Variants in DCC observed in about 807,000 individuals in gnomAD.
The protein encoded by DCC is DCC netrin 1 receptor.
Under a neutral mutation model 172.5 loss-of-function variants are expected in DCC, and 58 were observed. The observed-to-expected ratio is 0.34, with a 90% CI of 0.27 to 0.42. DCC has a LOEUF of 0.42. DCC is among the 10% of genes least tolerant of loss of function. DCC has a pLI of 1.00. For missense variants in DCC, 1,740 were observed against 1,791.0 expected (o/e 0.97, Z 0.51); for synonymous variants, 709 against 644.5 (o/e 1.10, Z -1.52).
intron 21 of DCC, among the ~76,000 whole-genome samples, chr18:53,430,325 C>T (rs185734950): frequency 3.3e-5 from 5 of 152,232 alleles, no homozygotes; most frequent in African/African-American, 9.6e-5. Context: ...GTATGAACGT[C>T]GTCCTGGATG....
chr18:52,989,381 G>A (rs906400741), intron 5 of DCC, among the ~76,000 whole-genome samples: 8 of 151,902 alleles, frequency 5.3e-5, no homozygotes, highest in African/African-American at 1.9e-4. Flanking sequence ...AAATTAGCCG[G>A]GCATGGTAGC....
intron 5 of DCC, among the ~76,000 whole-genome samples, chr18:52,964,447 G>A (rs2145574672): frequency 6.6e-6 from 1 of 152,248 alleles, no homozygotes; most frequent in East Asian, 1.9e-4. Context: ...GAGAAACTTT[G>A]TGATTGTGGC....
At chr18:53,386,744 G>C (rs1908196513) in intron 16 of DCC, among the ~76,000 whole-genome samples, 1 of 152,082 alleles carries the variant, frequency 6.6e-6, no homozygotes, top group African/African-American at 2.4e-5. Context: ...TCTGTTAGTT[G>C]GACTGTAAAG....
chr18:53,188,194 A>G (rs2055313510), intron 9 of DCC, among the ~76,000 whole-genome samples: 1 of 152,176 alleles, frequency 6.6e-6, no homozygotes, highest in African/African-American at 2.4e-5. Context: ...CAACCAATAA[A>G]CCTGGGGACC....
chr18:52,585,434 T>C (rs1442988866), intron 1 of DCC, among the ~76,000 whole-genome samples: 4 of 152,208 alleles, frequency 2.6e-5, no homozygotes, highest in Non-Finnish European at 5.9e-5. Flanking sequence ...CAAAGGAAGC[T>C]TCTGTTCATA....
At chr18:53,054,174 G>T (rs1387282776) in intron 5 of DCC, among the ~76,000 whole-genome samples, 1 of 152,006 alleles carries the variant, frequency 6.6e-6, no homozygotes, top group Non-Finnish European at 1.5e-5. Context: ...TGTGTAAATA[G>T]TTATTAAGCT....
chr18:52,936,741 G>A (rs1264489799), intron 5 of DCC, among the ~76,000 whole-genome samples: 1 of 152,114 alleles, frequency 6.6e-6, no homozygotes, highest in Non-Finnish European at 1.5e-5. Flanking sequence ...TGCTAAAGTT[G>A]CCCTGAAGAA....
chr18:53,099,643 T>C (rs1032017286), intron 7 of DCC, among the ~76,000 whole-genome samples: 1 of 152,154 alleles, frequency 6.6e-6, no homozygotes, highest in African/African-American at 2.4e-5. Context: ...TATATATTTG[T>C]CCTCTAATGA....
chr18:53,186,368 C>T (rs535404804), intron 9 of DCC, among the ~76,000 whole-genome samples: 2 of 152,124 alleles, frequency 1.3e-5, no homozygotes, highest in Admixed American at 6.5e-5. Context: ...CCCTACTAAA[C>T]GTGAAAGCGG....
At chr18:53,040,293 T>C (rs1368314817) in intron 5 of DCC, among the ~76,000 whole-genome samples, 1 of 152,022 alleles carries the variant, frequency 6.6e-6, no homozygotes, top group South Asian at 2.1e-4. Context: ...GTTTTACTAA[T>C]GAGAGACTAA....
intron 1 of DCC, among the ~76,000 whole-genome samples, chr18:52,458,262 G>T (rs1165500865): frequency 6.6e-6 from 1 of 152,076 alleles, no homozygotes; most frequent in Non-Finnish European, 1.5e-5. Flanking sequence ...CACCATCCTG[G>T]TCCTGACAGT....
intron 2 of DCC, among the ~76,000 whole-genome samples, chr18:52,858,352 A>G (rs140871743): frequency 2.0e-5 from 3 of 152,366 alleles, no homozygotes; most frequent in African/African-American, 4.8e-5. Flanking sequence ...CAGTACTGGT[A>G]GAGTAAATCG....
chr18:52,636,942 A>G (rs907998498), intron 1 of DCC, among the ~76,000 whole-genome samples: 2 of 152,192 alleles, frequency 1.3e-5, no homozygotes, highest in Non-Finnish European at 2.9e-5. Context: ...CTCCACCGGA[A>G]CAGGCACTGG....
chr18:53,398,820 G>T (rs75416603), intron 18 of DCC, among the ~76,000 whole-genome samples: 7,433 of 152,210 alleles, frequency 0.049, 237 homozygotes, highest in Non-Finnish European at 0.078. Flanking sequence ...GTGGTTAGTA[G>T]AAAAGGTAAT....
chr18:52,880,518 C>A lies in DCC; in HGVS notation c.413-25526C>A, dbSNP rs1261614971. 5.9e-5 allele frequency among the ~76,000 whole-genome samples: 9 copies of A among 152,262 alleles called. No homozygotes were observed. In the Middle Eastern group the frequency reaches 0.01, roughly 173 times the overall value. Reference sequence around the variant, plus strand: ...CACTTCCCCCTGAAACCCCTACTACCTTTCCCAGCCTCTGGTAACCATCCT... The same window carrying A: ...CACTTCCCCCTGAAACCCCTACTACATTTCCCAGCCTCTGGTAACCATCCT... On this transcript the variant is annotated intron_variant, in intron 2 of 28. Coordinates refer to ENST00000442544, the MANE Select transcript of DCC (RefSeq NM_005215.4).
chr18:53,351,322 ATATATATATACAGTG>A (rs1283632961), intron 15 of DCC, among the ~76,000 whole-genome samples: 15 of 42,146 alleles, frequency 3.6e-4, no homozygotes, highest in African/African-American at 9.2e-4. Flanking sequence ...TATACACTGT[ATATATATATACAGTG>A]TATATATATA....
At chr18:53,116,193 A>G (rs569231492) in intron 7 of DCC, among the ~76,000 whole-genome samples, 79 of 151,846 alleles carry the variant, frequency 5.2e-4, no homozygotes, top group African/African-American at 1.8e-3. Context: ...AAAACGCACA[A>G]ACAAAGCAAG....
intron 2 of DCC, among the ~76,000 whole-genome samples, chr18:52,809,953 C>G (rs1446691508): frequency 6.6e-6 from 1 of 151,970 alleles, no homozygotes; most frequent in Non-Finnish European, 1.5e-5. Context: ...CTGAGTTTTA[C>G]AAGTCCCGTG....
At chr18:53,498,497 A>C (rs941893808) in intron 26 of DCC, among the ~76,000 whole-genome samples, 1 of 151,296 alleles carries the variant, frequency 6.6e-6, no homozygotes, top group East Asian at 1.9e-4. Context: ...AAGTTCAATC[A>C]CTGTGTCATT....
Sources: allele counts gnomAD v4.1 joint callset (sites outside exome capture counted in the v4.1 genomes callset), GRCh38; gene constraint gnomAD v4.1.1; transcripts MANE v1.5; gene names NCBI Gene and HGNC (gene_info 2026-07-23, HGNC 2026-07-21).